The following NDST3 variants were observed in gnomAD, a reference collection of about 807,000 sequenced individuals.
The protein encoded by NDST3 is bifunctional heparan sulfate N-deacetylase/N-sulfotransferase 3.
NDST3 carries 58 observed loss-of-function variants against 96.1 expected under a neutral mutation model. That is an observed-to-expected ratio of 0.60 (90% CI 0.49 to 0.75). The LOEUF (loss-of-function observed/expected upper bound fraction) is 0.75, where lower values mean the gene tolerates loss of function less well. NDST3 is among the 30% of genes least tolerant of loss of function. The probability of loss-of-function intolerance (pLI) is 0.00; values close to 1 mark genes in which losing one functional copy is unlikely to be tolerated. For missense variants in NDST3, 788 were observed against 1,034.2 expected, an observed-to-expected ratio of 0.76 and a Z score of 3.27; for synonymous variants, 333 against 359.7, an observed-to-expected ratio of 0.93 and a Z score of 0.84.
chr4:118,154,393 T>G (rs191006664), intron 6 of NDST3, among the ~76,000 whole-genome samples: 1 of 152,158 alleles, frequency 6.6e-6, no homozygotes, highest in Non-Finnish European at 1.5e-5. Flanking sequence ...TAATAAGAGG[T>G]TGCTAAATGT....
intron 6 of NDST3, among the ~76,000 whole-genome samples, chr4:118,182,670 C>T (rs757329695): frequency 6.6e-6 from 1 of 152,190 alleles, no homozygotes; most frequent in Non-Finnish European, 1.5e-5. Flanking sequence ...CAACACTTTG[C>T]ACTTTCCTAA....
At chr4:118,224,396 C>A (rs1739737971) in intron 6 of NDST3, 95 bp from the exon 7 acceptor site, 2 of 1,141,524 alleles carry the variant, frequency 1.8e-6, no homozygotes, top group African/African-American at 1.6e-5. Context: ...CCTGTGCAGA[C>A]TACTTAAGGA....
At chr4:118,051,386 T>G (rs1300768958) in intron 1 of NDST3, among the ~76,000 whole-genome samples, 2 of 152,032 alleles carry the variant, frequency 1.3e-5, no homozygotes, top group African/African-American at 4.8e-5. Flanking sequence ...GCAATTGCAA[T>G]GAAAACAAAA....
chr4:118,244,278 T>A lies in NDST3; in HGVS notation c.2399+2129T>A, dbSNP rs182259246. On this transcript the variant is annotated intron_variant, in intron 12 of 13. Coordinates refer to ENST00000296499, the MANE Select transcript of NDST3 (RefSeq NM_004784.3). ...GTAGTTGTTTATCTGAAACCTGTCT[T>A]CACAATTTAGTTACTCCTATTAGAG... Among the ~76,000 whole-genome samples the A allele has an allele frequency of 7.3e-4, 111 of 152,340 alleles. 1 individual carries two copies. The highest frequency in any genetic ancestry group is 1.0e-4 in the Non-Finnish European group (7 of 68,034).
At chr4:118,136,720 A>G (rs74782892) in intron 4 of NDST3, among the ~76,000 whole-genome samples, 1 of 152,078 alleles carries the variant, frequency 6.6e-6, no homozygotes, top group Non-Finnish European at 1.5e-5. Context: ...GGCATCCTCA[A>G]CTACAGCTGA....
At chr4:118,120,640 G>C (rs1731490508) in intron 4 of NDST3, among the ~76,000 whole-genome samples, 1 of 152,096 alleles carries the variant, frequency 6.6e-6, no homozygotes, top group Non-Finnish European at 1.5e-5. Context: ...CCTGAGAACA[G>C]CAATCTCTCC....
At chr4:118,091,632 C>A (rs903085309) in intron 2 of NDST3, among the ~76,000 whole-genome samples, 4 of 151,650 alleles carry the variant, frequency 2.6e-5, no homozygotes, top group African/African-American at 7.3e-5. Context: ...GGTGGCCAAA[C>A]CTCTCCTGCT....
chr4:118,224,117 G>A (rs1288926960), intron 6 of NDST3, among the ~76,000 whole-genome samples: 3 of 152,110 alleles, frequency 2.0e-5, no homozygotes, highest in Non-Finnish European at 4.4e-5. Context: ...TTTCTTAAAG[G>A]AGATGTTTTA....
intron 6 of NDST3, among the ~76,000 whole-genome samples, chr4:118,178,961 A>G (rs947116230): frequency 2.0e-5 from 3 of 152,064 alleles, no homozygotes; most frequent in Non-Finnish European, 4.4e-5. Context: ...CAATTCATGG[A>G]TGCTGGAAGA....
At chr4:118,168,864 G>A (rs1735733198) in intron 6 of NDST3, among the ~76,000 whole-genome samples, 1 of 152,154 alleles carries the variant, frequency 6.6e-6, no homozygotes, top group African/African-American at 2.4e-5. Context: ...AGTGAAATAA[G>A]TCAGTCACAG....
In NDST3 at chr4:118,155,559, G is replaced by A. The variant is rs573236322; in HGVS notation, c.1539+11875G>A. Among the ~76,000 whole-genome samples the A allele has an allele frequency of 1.3e-3, 193 of 152,286 alleles. 1 individual carries two copies. Among genetic ancestry groups the A allele is most frequent in the Middle Eastern group, 0.01 (3 of 294 alleles). ...TTTTATTACTCTTTCCTAAATATAT[G>A]TAGAGCTAACATTTATTTCAATGTT... On this transcript the variant is annotated intron_variant, in intron 6 of 13. Transcript: ENST00000296499.
intron 5 of NDST3, among the ~76,000 whole-genome samples, chr4:118,139,760 C>T (rs543343737): frequency 3.3e-5 from 5 of 152,280 alleles, no homozygotes; most frequent in African/African-American, 1.2e-4. Context: ...TTCTGTAATT[C>T]AAACATCATT....
intron 8 of NDST3, among the ~76,000 whole-genome samples, chr4:118,230,550 G>C (rs1740209297): frequency 6.6e-6 from 1 of 151,880 alleles, no homozygotes. Context: ...ACTCTAGCCT[G>C]GGCAACAGAG....
intron 6 of NDST3, among the ~76,000 whole-genome samples, chr4:118,178,485 A>G (rs982215592): frequency 1.3e-5 from 2 of 152,036 alleles, no homozygotes; most frequent in Admixed American, 6.6e-5. Context: ...CTCAAGGTTC[A>G]TTGATGTTAT....
intron 2 of NDST3, among the ~76,000 whole-genome samples, chr4:118,071,095 G>A: frequency 6.6e-6 from 1 of 151,938 alleles, no homozygotes; most frequent in East Asian, 1.9e-4. Context: ...TGGTGTATAT[G>A]TGCCACATTT....
intron 8 of NDST3, among the ~76,000 whole-genome samples, chr4:118,228,790 C>T (rs1740078971): frequency 6.6e-6 from 1 of 152,166 alleles, no homozygotes; most frequent in South Asian, 2.1e-4. Context: ...TACTTTGTAC[C>T]ACTACAGTTT....
chr4:118,162,460 T>C (rs1045151752), intron 6 of NDST3, among the ~76,000 whole-genome samples: 3 of 151,856 alleles, frequency 2.0e-5, no homozygotes, highest in African/African-American at 7.3e-5. Flanking sequence ...TCTACAACTA[T>C]CTGATCTTTG....
intron 2 of NDST3, among the ~76,000 whole-genome samples, chr4:118,087,299 A>G (rs1386470118): frequency 6.6e-6 from 1 of 152,160 alleles, no homozygotes; most frequent in East Asian, 1.9e-4. Context: ...ATTCTCAAAA[A>G]GCTTTTACAT....
chr4:118,053,839 G>T lies in NDST3; in HGVS notation c.-72G>T, dbSNP rs1725237416. 2 of 1,491,276 alleles carry T rather than the reference G, an allele frequency of 1.3e-6. No homozygotes were observed. The highest frequency in any genetic ancestry group is 4.5e-5 in the Admixed American group (2 of 44,668). 92.4% of individuals were successfully genotyped at this position (1,491,276 alleles called of 1,614,324 possible). A position where few individuals can be genotyped will look rare whatever the true frequency, so the allele number is the denominator to read the frequency against. On this transcript the variant is annotated 5_prime_UTR_variant, in exon 2 of 14. Coordinates refer to ENST00000296499, the MANE Select transcript of NDST3 (RefSeq NM_004784.3). ...ACTCTTGACAGAGATTGGAAAAGTAGCTGGAACACCATCTTTTCTTTTAAC... is the reference window on the plus strand; with the variant it reads ...ACTCTTGACAGAGATTGGAAAAGTATCTGGAACACCATCTTTTCTTTTAAC...
Sources: allele counts gnomAD v4.1 joint callset (sites outside exome capture counted in the v4.1 genomes callset), GRCh38; gene constraint gnomAD v4.1.1; transcripts MANE v1.5; gene names NCBI Gene and HGNC (gene_info 2026-07-23, HGNC 2026-07-21).